CPNE1: variants seen among roughly 807,000 people sequenced by gnomAD.
CPNE1 encodes the protein copine-1.
CPNE1 carries 58 observed loss-of-function variants against 63.2 expected under a neutral mutation model. The ratio of observed to expected loss-of-function variants is 0.92; its 90% CI spans 0.74 to 1.14. The LOEUF (loss-of-function observed/expected upper bound fraction) is 1.14. Among genes scored for constraint, CPNE1 ranks in the 50% most tolerant of loss-of-function variants. CPNE1 has a pLI of 0.00. For synonymous variants in CPNE1, 237 were observed against 249.0 expected (o/e 0.95, Z 0.45); for missense variants, 672 against 661.7 (o/e 1.02, Z -0.17).
At chr20:35,633,228 A>G (rs1179318282) in intron 1 of CPNE1, among the ~76,000 whole-genome samples, 47 of 152,186 alleles carry the variant, frequency 3.1e-4, no homozygotes, top group Admixed American at 3.0e-3. Flanking sequence ...CTTAATCCCA[A>G]TAGGGCTGTC....
chr20:35,633,013 C>T (rs544047741), intron 1 of CPNE1, 90 bp from the exon 2 acceptor site: 2 of 804,118 alleles, frequency 2.5e-6, no homozygotes, highest in African/African-American at 3.4e-5. Flanking sequence ...CAGCAGGCAT[C>T]ACCCAGGCAG....
rs759388915 is a variant in CPNE1, at chr20:35,631,520, G to C, written c.686C>G (p.Thr229Ser). 5 of 1,614,048 alleles carry C rather than the reference G, an allele frequency of 3.1e-6. No individual in the cohort carries two copies. The highest frequency in any genetic ancestry group is 4.2e-6 in the Non-Finnish European group (5 of 1,179,980). Residue 229 changes from threonine to serine, a missense_variant, in exon 8 of 16, where the codon ACC (threonine) becomes AGC (serine). By Grantham distance (58) the Thr-to-Ser change is moderately conservative. Coordinates refer to ENST00000397443, the MANE Select transcript of CPNE1 (RefSeq NM_152925.3). ...GACTGCCTGCAGCTGGGCCAAGCTG[G>C]TGTGGAAGGTACCGATGAGATCATG... ...GSHDLIGTFH[T>S]SLAQLQAVPA...
intron 1 of CPNE1, among the ~76,000 whole-genome samples, chr20:35,662,124 A>G (rs1479874189): frequency 3.3e-5 from 5 of 152,226 alleles, no homozygotes; most frequent in Admixed American, 6.5e-5. Flanking sequence ...TGTACTTTTT[A>G]TAACGCATTA....
intron 13 of CPNE1, among the ~76,000 whole-genome samples, chr20:35,628,615 C>T (rs1180639573): frequency 6.6e-6 from 1 of 152,142 alleles, no homozygotes; most frequent in Non-Finnish European, 1.5e-5. Flanking sequence ...AACTGAGGGA[C>T]ATTCTAGAAA....
rs56017917 is a variant in CPNE1, at chr20:35,634,905, A to ATT, written c.1-1984_1-1983dup. Among the ~76,000 whole-genome samples the ATT allele has an allele frequency of 1.7e-3, 202 of 122,096 alleles. 3 individuals are homozygous for ATT. The East Asian group carries it at 0.023, about 14-fold the overall frequency. 80.1% of individuals were successfully genotyped at this position (122,096 alleles called of 152,430 possible). On this transcript the variant is annotated intron_variant, in intron 1 of 15. Coordinates refer to ENST00000397443, the MANE Select transcript of CPNE1 (RefSeq NM_152925.3). ...CAGGTGTGCATCACCACACCCAGCT[A>ATT]TTTTTTTTTTTTTTTTTTTGTAGAG...
intron 1 of CPNE1, among the ~76,000 whole-genome samples, chr20:35,645,960 A>G (rs74895713): frequency 6.6e-6 from 1 of 151,960 alleles, no homozygotes; most frequent in African/African-American, 2.4e-5. Context: ...TAAGAAACTG[A>G]GGCCAGGCAT....
chr20:35,634,718 C>G (rs6119634), intron 1 of CPNE1, among the ~76,000 whole-genome samples: 1 of 152,030 alleles, frequency 6.6e-6, no homozygotes, highest in Non-Finnish European at 1.5e-5. Context: ...GCCACTTTGT[C>G]ACTCCTCAAA....
chr20:35,656,036 G>T (rs1225005277), intron 1 of CPNE1, among the ~76,000 whole-genome samples: 1 of 152,072 alleles, frequency 6.6e-6, no homozygotes, highest in Non-Finnish European at 1.5e-5. Flanking sequence ...GAAGCCAAAA[G>T]AACTACTGAA....
At chr20:35,659,285 T>G (rs549126295) in intron 1 of CPNE1, among the ~76,000 whole-genome samples, 1 of 152,284 alleles carries the variant, frequency 6.6e-6, no homozygotes, top group Non-Finnish European at 1.5e-5. Context: ...CACTGAAAAT[T>G]AAAACAGTCA....
intron 1 of CPNE1, chr20:35,655,086 C>A: frequency 6.2e-7 from 1 of 1,614,188 alleles, no homozygotes; most frequent in Non-Finnish European, 8.5e-7. Context: ...TCATATTCTG[C>A]ATTTCCGTCT....
At chr20:35,655,351 A>G in intron 1 of CPNE1, 3 of 1,581,706 alleles carry the variant, frequency 1.9e-6, no homozygotes, top group Non-Finnish European at 2.6e-6. Flanking sequence ...ACACCTGCAG[A>G]TGAGAAAAGG....
intron 1 of CPNE1, among the ~76,000 whole-genome samples, chr20:35,661,300 A>G (rs947406125): frequency 1.4e-4 from 21 of 152,366 alleles, no homozygotes; most frequent in African/African-American, 5.1e-4. Context: ...GTTTTCCAGG[A>G]AACTACTATT....
At position 35,626,689 on chromosome 20, in the gene CPNE1, C is replaced by T; in HGVS notation, c.1351G>A (p.Gly451Ser). Residue 451 changes from glycine (G) to serine (S), a missense_variant, in exon 15 of 16, where the codon GGT becomes AGT. Transcript: ENST00000397443. ...TCCATGGCCTCAAAGTCAGCACCAC[C>T]CACACCCACAATGATCACTGACATG... Reference protein sequence around the residue: ...LPMSVIIVGVGGADFEAMEQL... With the variant: ...LPMSVIIVGVSGADFEAMEQL... 6.2e-7 allele frequency: 1 copy of T among 1,614,170 alleles called. No homozygotes were observed. The highest frequency in any genetic ancestry group is 8.5e-7 in the Non-Finnish European group (1 of 1,180,032).
chr20:35,655,374 C>G, intron 1 of CPNE1: 1 of 1,530,204 alleles, frequency 6.5e-7, no homozygotes, highest in Non-Finnish European at 8.8e-7. Context: ...ACGGCCAGGT[C>G]AGACTCCTGT....
intron 1 of CPNE1, among the ~76,000 whole-genome samples, chr20:35,637,638 C>G (rs965219082): frequency 1.3e-5 from 2 of 152,290 alleles, no homozygotes; most frequent in Admixed American, 6.5e-5. Context: ...TGCGATGTTT[C>G]CTCATTAGTG....
intron 1 of CPNE1, among the ~76,000 whole-genome samples, chr20:35,648,575 A>G (rs375695615): frequency 6.6e-6 from 1 of 152,210 alleles, no homozygotes; most frequent in Non-Finnish European, 1.5e-5. Context: ...ACCTGGAATT[A>G]TATGTCTAGC....
At chr20:35,634,903 C>CT (rs1237013783) in intron 1 of CPNE1, among the ~76,000 whole-genome samples, 3 of 138,418 alleles carry the variant, frequency 2.2e-5, no homozygotes, top group Admixed American at 7.2e-5. Flanking sequence ...CCACACCCAG[C>CT]TATTTTTTTT....
chr20:35,627,117 G>A (rs1438730072), intron 14 of CPNE1, among the ~76,000 whole-genome samples, 163 bp downstream of exon 14: 1 of 149,194 alleles, frequency 6.7e-6, no homozygotes, highest in Non-Finnish European at 1.5e-5. Context: ...GAACCCAGGA[G>A]GTGCAGGTTG....
chr20:35,663,036 A>ACT (rs2034320306), intron 1 of CPNE1, among the ~76,000 whole-genome samples: 1 of 152,244 alleles, frequency 6.6e-6, no homozygotes, highest in African/African-American at 2.4e-5. Context: ...AATAATATAT[A>ACT]CTAAGCACAT....
Sources: gnomAD v4.1 joint callset for allele counts (sites outside exome capture counted in the v4.1 genomes callset) on GRCh38, gnomAD v4.1.1 for gene constraint, MANE v1.5 for transcripts, NCBI Gene and HGNC (gene_info 2026-07-23, HGNC 2026-07-21) for gene names.